Variants in REPS2 observed in about 807,000 individuals in gnomAD.
REPS2 encodes the protein RALBP1 associated Eps domain containing 2.
Under a neutral mutation model 53.6 loss-of-function variants are expected in REPS2, and 23 were observed. The observed-to-expected ratio is 0.43, with a 90% CI of 0.31 to 0.61. REPS2 has a LOEUF of 0.61. Among genes scored for constraint, REPS2 ranks in the 20% least tolerant of loss-of-function variants. The pLI, the probability that REPS2 is intolerant of heterozygous loss-of-function variation, is 0.11. For missense variants in REPS2, 446 were observed against 534.9 expected, an observed-to-expected ratio of 0.83 and a Z score of 1.64; for synonymous variants, 238 against 218.6, an observed-to-expected ratio of 1.09 and a Z score of -0.78.
At chrX:17,086,783 C>A (rs2062542573) in intron 13 of REPS2, among the ~76,000 whole-genome samples, 1 of 112,559 alleles carries the variant, frequency 8.9e-6, no homozygotes, top group Admixed American at 9.4e-5. Flanking sequence ...CTCAGTACAT[C>A]AGTAAATTCT....
At chrX:17,050,033 C>G (rs2061958738) in intron 6 of REPS2, among the ~76,000 whole-genome samples, 1 of 106,624 alleles carries the variant, frequency 9.4e-6, no homozygotes, top group African/African-American at 3.4e-5. Flanking sequence ...TCCAGTCCTG[C>G]AAGCTCCATT....
intron 17 of REPS2, among the ~76,000 whole-genome samples, chrX:17,145,482 CT>C (rs2063500679): frequency 1.8e-5 from 2 of 111,176 alleles, no homozygotes; most frequent in African/African-American, 3.3e-5. Flanking sequence ...CTTATCTAAT[CT>C]TCTCATTCTC....
intron 14 of REPS2, among the ~76,000 whole-genome samples, chrX:17,120,783 G>T (rs1164252543): frequency 8.9e-6 from 1 of 112,079 alleles, no homozygotes; most frequent in Non-Finnish European, 1.9e-5. Flanking sequence ...AATCCAGATG[G>T]TCACCTGTTT....
rs2063352796 is a variant in REPS2, at chrX:17,135,408, T to TAAGTAGACCA, written c.1808+3_1808+12dup. On this transcript the variant is annotated splice_region_variant and intron_variant, in intron 16 of 17. Coordinates refer to ENST00000357277, the MANE Select transcript of REPS2 (RefSeq NM_004726.3). ...GAAACCGCATCCAACAGTCCAAAAG[T>TAAGTAGACCA]AAGTAGACCACATAAACAAGAGTGA... 1 of 1,202,477 alleles carries TAAGTAGACCA rather than the reference T, an allele frequency of 8.3e-7. No individual in the cohort carries two copies.
chrX:17,003,616 A>G (rs2061331191), intron 1 of REPS2, among the ~76,000 whole-genome samples: 1 of 111,666 alleles, frequency 9.0e-6, no homozygotes, highest in Admixed American at 9.5e-5. Flanking sequence ...GGATTTTGCT[A>G]GCTGCAGCAG....
intron 5 of REPS2, among the ~76,000 whole-genome samples, chrX:17,041,851 A>G (rs993063948): frequency 2.3e-4 from 25 of 109,873 alleles, no homozygotes; most frequent in Non-Finnish European, 5.7e-5. Context: ...CTTCCTTGCA[A>G]TTCATATTAT....
intron 13 of REPS2, among the ~76,000 whole-genome samples, chrX:17,101,764 G>A (rs1322258859): frequency 8.9e-6 from 1 of 111,900 alleles, no homozygotes; most frequent in African/African-American, 3.3e-5. Flanking sequence ...TCTCTCAGGG[G>A]TCACTGTCTT....
intron 14 of REPS2, among the ~76,000 whole-genome samples, chrX:17,129,189 A>G (rs749550063): frequency 8.9e-6 from 1 of 111,866 alleles, no homozygotes; most frequent in Non-Finnish European, 1.9e-5. Flanking sequence ...TTGGATTATC[A>G]TTCTTCCAAA....
chrX:17,063,526 A>G (rs1364860985), intron 9 of REPS2, among the ~76,000 whole-genome samples: 1 of 111,788 alleles, frequency 8.9e-6, no homozygotes, highest in Non-Finnish European at 1.9e-5. Flanking sequence ...TCTCTCTGCC[A>G]TTTTGCTTCT....
intron 5 of REPS2, among the ~76,000 whole-genome samples, chrX:17,046,266 C>T: frequency 9.1e-6 from 1 of 109,458 alleles, no homozygotes; most frequent in South Asian, 4.0e-4. Context: ...CAACCTCTGC[C>T]TCCCAGGTTC....
At chrX:17,100,475 C>T (rs2062775166) in intron 13 of REPS2, among the ~76,000 whole-genome samples, 1 of 112,319 alleles carries the variant, frequency 8.9e-6, no homozygotes. Flanking sequence ...TGGTGTACCG[C>T]AGGCCTCGGC....
At chrX:16,996,186 A>G (rs965557158) in intron 1 of REPS2, among the ~76,000 whole-genome samples, 1 of 111,573 alleles carries the variant, frequency 9.0e-6, no homozygotes, top group African/African-American at 3.3e-5. Context: ...ATGAGTATCT[A>G]GATAGGGAAG....
chrX:17,093,865 A>G (rs1231078667), intron 13 of REPS2, among the ~76,000 whole-genome samples: 1 of 111,386 alleles, frequency 9.0e-6, no homozygotes, highest in East Asian at 2.8e-4. Context: ...CCTTGATTCA[A>G]CCACAGACGT....
intron 2 of REPS2, among the ~76,000 whole-genome samples, chrX:17,020,450 T>C (rs1208687250): frequency 9.0e-6 from 1 of 111,577 alleles, no homozygotes; most frequent in Non-Finnish European, 1.9e-5. Flanking sequence ...AGTTAGCTTA[T>C]ATTTGATTTA....
At chrX:17,079,041 G>A (rs2062418579) in intron 13 of REPS2, among the ~76,000 whole-genome samples, 1 of 111,822 alleles carries the variant, frequency 8.9e-6, no homozygotes. Context: ...GGATATTTTT[G>A]GATTTTGGAA....
At chrX:17,036,406 C>T (rs1228907744) in intron 5 of REPS2, among the ~76,000 whole-genome samples, 1 of 112,002 alleles carries the variant, frequency 8.9e-6, no homozygotes, top group Non-Finnish European at 1.9e-5. Context: ...ATATCAAGTG[C>T]CCCTTTTTCT....
Position 16,978,607 on chromosome X carries a change from G to C in REPS2, c.274-27614G>C, listed in dbSNP as rs1168927171. 6 of 739,667 alleles carry C rather than the reference G, an allele frequency of 8.1e-6. No individual in the cohort carries two copies. The African/African-American group carries it at 1.4e-4, about 17-fold the overall frequency. The allele number at this position is 739,667 out of a possible 1,213,427, so 61.0% of individuals were successfully genotyped here. On this transcript the variant is annotated intron_variant, in intron 1 of 17. Coordinates refer to ENST00000357277, the MANE Select transcript of REPS2 (RefSeq NM_004726.3). Reference sequence around the variant, plus strand: ...GGCATGCAGAAGTGGTGAAGGTAAGGCTTGGATTCAATTACAGTAATCTCA... The same window carrying C: ...GGCATGCAGAAGTGGTGAAGGTAAGCCTTGGATTCAATTACAGTAATCTCA...
the REPS2 span, among the ~76,000 whole-genome samples, chrX:17,160,837 C>A: frequency 8.9e-6 from 1 of 111,891 alleles, no homozygotes; most frequent in African/African-American, 3.2e-5. Flanking sequence ...TCCTTTTTAC[C>A]TTCCATTTCC....
the REPS2 span, among the ~76,000 whole-genome samples, chrX:17,188,789 A>G: frequency 2.7e-5 from 3 of 112,238 alleles, no homozygotes; most frequent in Non-Finnish European, 5.6e-5. Context: ...GATCTTGAAG[A>G]AAGAGCTTGT....
Sources: gnomAD v4.1 joint callset for allele counts (sites outside exome capture counted in the v4.1 genomes callset) on GRCh38, gnomAD v4.1.1 for gene constraint, MANE v1.5 for transcripts, NCBI Gene and HGNC (gene_info 2026-07-23, HGNC 2026-07-21) for gene names.